KPNA5: variants seen among roughly 807,000 people sequenced by gnomAD.
KPNA5 encodes importin subunit alpha-6.
Under a neutral mutation model 71.3 loss-of-function variants are expected in KPNA5, and 46 were observed. The ratio of observed to expected loss-of-function variants is 0.65; its 90% confidence interval spans 0.51 to 0.83. The LOEUF (loss-of-function observed/expected upper bound fraction) is 0.83. Among genes scored for constraint, KPNA5 ranks in the 40% least tolerant of loss-of-function variants. The probability of loss-of-function intolerance (pLI) is 0.00; values close to 1 mark genes in which losing one functional copy is unlikely to be tolerated. For missense variants in KPNA5, 547 were observed against 628.3 expected, an observed-to-expected ratio of 0.87 and a Z score of 1.38; for synonymous variants, 207 against 201.4, an observed-to-expected ratio of 1.03 and a Z score of -0.24.
chr6:116,710,789 T>G (rs1470150811), intron 7 of KPNA5, among the ~76,000 whole-genome samples: 1 of 149,298 alleles, frequency 6.7e-6, no homozygotes, highest in Admixed American at 6.7e-5. Context: ...TGGCTTTTGA[T>G]GATAATATTC....
chr6:116,722,904 G>C (rs1284427370), intron 9 of KPNA5, among the ~76,000 whole-genome samples: 3 of 152,138 alleles, frequency 2.0e-5, no homozygotes, highest in African/African-American at 2.4e-5. Context: ...TTCTTCTTTT[G>C]TCGAGAAGCC....
chr6:116,695,421 G>T (rs940735803), intron 4 of KPNA5, among the ~76,000 whole-genome samples: 7 of 151,676 alleles, frequency 4.6e-5, no homozygotes, highest in Non-Finnish European at 7.4e-5. Flanking sequence ...TTAAATCTTT[G>T]TCTTGTGTTT....
intron 7 of KPNA5, among the ~76,000 whole-genome samples, chr6:116,713,906 G>C (rs934111797): frequency 1.3e-5 from 2 of 152,062 alleles, no homozygotes; most frequent in Non-Finnish European, 2.9e-5. Flanking sequence ...TTTCCATAGT[G>C]ATGATTCTCT....
At chr6:116,730,996 G>C (rs1264378462) in intron 13 of KPNA5, among the ~76,000 whole-genome samples, 1 of 150,508 alleles carries the variant, frequency 6.6e-6, no homozygotes, top group Non-Finnish European at 1.5e-5. Context: ...GTTCATTTAT[G>C]TTTAAATAAC....
chr6:116,710,893 AT>A (rs67301038), intron 7 of KPNA5, among the ~76,000 whole-genome samples: 1,375 of 86,574 alleles, frequency 0.016, 31 homozygotes, highest in South Asian at 0.058. Flanking sequence ...ATATATATAT[AT>A]TTTTTTTTTT....
At chr6:116,722,044 T>A in intron 8 of KPNA5, 82 bp from the exon 9 acceptor site, 1 of 1,092,442 alleles carries the variant, frequency 9.2e-7, no homozygotes, top group Non-Finnish European at 1.3e-6. Flanking sequence ...ATTTTTGTTT[T>A]AAAATGAATT....
chr6:116,732,945 C>T lies in KPNA5; in HGVS notation c.*622C>T, dbSNP rs1474294713. 6.6e-6 allele frequency: 1 copy of T among 151,594 alleles called. No individual in the cohort carries two copies. The highest frequency in any genetic ancestry group is 6.6e-5 in the Admixed American group (1 of 15,168). The allele number at this position is 151,594 out of a possible 1,614,324, so 9.4% of individuals were successfully genotyped here. ...ACAGAAGAAATATTATACTGATAAT[C>T]CATTAAAATGTGGCAATTGTGAAGG... On this transcript the variant is annotated 3_prime_UTR_variant, in exon 14 of 14. Coordinates refer to ENST00000368564, the MANE Select transcript of KPNA5 (RefSeq NM_001366306.2).
intron 9 of KPNA5, among the ~76,000 whole-genome samples, chr6:116,722,906 C>T (rs1204827106): frequency 5.9e-5 from 9 of 152,142 alleles, no homozygotes; most frequent in Non-Finnish European, 4.4e-5. Flanking sequence ...CTTCTTTTGT[C>T]GAGAAGCCAT....
chr6:116,718,743 A>G (rs1022785655), intron 8 of KPNA5, among the ~76,000 whole-genome samples: 1 of 151,188 alleles, frequency 6.6e-6, no homozygotes, highest in Non-Finnish European at 1.5e-5. Flanking sequence ...TTTTTTAATC[A>G]TTCACTTTTT....
At chr6:116,717,524 G>GA in intron 8 of KPNA5, among the ~76,000 whole-genome samples, 1 of 152,168 alleles carries the variant, frequency 6.6e-6, no homozygotes, top group East Asian at 1.9e-4. Flanking sequence ...ATATGGGTCT[G>GA]CAGCAACCTC....
At chr6:116,695,718 G>A (rs987746331) in intron 4 of KPNA5, among the ~76,000 whole-genome samples, 4 of 152,116 alleles carry the variant, frequency 2.6e-5, no homozygotes, top group Non-Finnish European at 5.9e-5. Flanking sequence ...AATCAAGAAT[G>A]GCTTCTTTCT....
At chr6:116,702,204 A>G in intron 6 of KPNA5, 54 bp downstream of exon 6, 1 of 1,555,808 alleles carries the variant, frequency 6.4e-7, no homozygotes, top group Non-Finnish European at 8.7e-7. Flanking sequence ...TTCTCTTGAA[A>G]GTACCATTTG....
chr6:116,692,252 A>AAT, intron 3 of KPNA5, 41 bp from the exon 4 acceptor site: 1 of 1,445,780 alleles, frequency 6.9e-7, no homozygotes, highest in Non-Finnish European at 9.6e-7. Context: ...ATTCATGTAA[A>AAT]ATATGTAAAT....
intron 5 of KPNA5, 116 bp downstream of exon 5, chr6:116,698,914 T>G (rs1778127995): frequency 1.9e-6 from 1 of 529,436 alleles, no homozygotes; most frequent in East Asian, 3.5e-5. Context: ...ACTTGGTAAT[T>G]AAAGGAAAAG....
In KPNA5 at chr6:116,725,944, A is replaced by C; in HGVS notation, c.1125+68A>C. ...GAAGCCAGTTTGGACAAAAGTTAAC[A>C]CTTTTACTAAAAAAGATTCCTTTTT... On this transcript the variant is annotated intron_variant, in intron 11 of 13. Coordinates refer to ENST00000368564, the MANE Select transcript of KPNA5 (RefSeq NM_001366306.2). 4 of 1,513,902 alleles carry C rather than the reference A, an allele frequency of 2.6e-6. No homozygotes were observed. The East Asian group carries it at 6.8e-5, about 26-fold the overall frequency. The allele number at this position is 1,513,902 out of a possible 1,614,324, so 93.8% of individuals were successfully genotyped here.
At chr6:116,693,272 A>G (rs1479446861) in intron 4 of KPNA5, among the ~76,000 whole-genome samples, 52 of 152,178 alleles carry the variant, frequency 3.4e-4, no homozygotes, top group Non-Finnish European at 2.1e-4. Flanking sequence ...GGCTGGGTCA[A>G]ATGGTATTTC....
intron 13 of KPNA5, among the ~76,000 whole-genome samples, chr6:116,729,985 A>G (rs903938875): frequency 6.7e-6 from 1 of 150,154 alleles, no homozygotes; most frequent in African/African-American, 2.4e-5. Flanking sequence ...TTTATGTTCT[A>G]CTTTTTAACA....
chr6:116,720,769 A>G (rs1394042992), intron 8 of KPNA5, among the ~76,000 whole-genome samples: 1 of 152,170 alleles, frequency 6.6e-6, no homozygotes, highest in African/African-American at 2.4e-5. Context: ...GCTTGAGCCC[A>G]GGAAGCAGAG....
chr6:116,706,997 T>G (rs886913097), intron 7 of KPNA5, among the ~76,000 whole-genome samples: 1 of 151,868 alleles, frequency 6.6e-6, no homozygotes, highest in Admixed American at 6.6e-5. Context: ...ACCCGATCTC[T>G]ACTAAAAATA....
Sources: allele counts gnomAD v4.1 joint callset (sites outside exome capture counted in the v4.1 genomes callset), GRCh38; gene constraint gnomAD v4.1.1; transcripts MANE v1.5; gene names NCBI Gene and HGNC (gene_info 2026-07-23, HGNC 2026-07-21).